The following RYR2 variants were observed in gnomAD, a reference collection of about 807,000 sequenced individuals.
The protein encoded by RYR2 is ryanodine receptor 2.
Under a neutral mutation model 601.1 loss-of-function variants are expected in RYR2, and 227 were observed. That is an observed-to-expected ratio of 0.38 (90% confidence interval 0.34 to 0.42). The LOEUF (loss-of-function observed/expected upper bound fraction) is 0.42. Ranked by LOEUF, RYR2 falls within the 10% of genes least tolerant of loss-of-function variation. The pLI is 1.00. For missense variants in RYR2, 4,646 were observed against 6,156.5 expected (o/e 0.75, Z 8.21); for synonymous variants, 2,223 against 2,175.1 (o/e 1.02, Z -0.61).
At chr1:237,360,019 A>C (rs1264383220) in intron 4 of RYR2, among the ~76,000 whole-genome samples, 3 of 152,218 alleles carry the variant, frequency 2.0e-5, no homozygotes, top group Admixed American at 2.0e-4. Context: ...TTCTCTTAAA[A>C]AATATGATGA....
chr1:237,418,031 A>G (rs1046061112), intron 11 of RYR2, among the ~76,000 whole-genome samples: 1 of 151,782 alleles, frequency 6.6e-6, no homozygotes, highest in African/African-American at 2.4e-5. Context: ...GTATAACTAT[A>G]TTTAATTAAT....
intron 8 of RYR2, among the ~76,000 whole-genome samples, chr1:237,380,157 A>T (rs1475875175): frequency 6.6e-6 from 1 of 151,374 alleles, no homozygotes; most frequent in Non-Finnish European, 1.5e-5. Flanking sequence ...TAGCGGGTAT[A>T]TGAAGTACTA....
intron 1 of RYR2, among the ~76,000 whole-genome samples, chr1:237,263,670 A>G (rs1409529911): frequency 1.3e-5 from 2 of 152,122 alleles, no homozygotes; most frequent in African/African-American, 4.8e-5. Flanking sequence ...TATTTGTTGT[A>G]ATGGAAAGGC....
intron 1 of RYR2, among the ~76,000 whole-genome samples, chr1:237,139,415 T>C (rs536167249): frequency 3.3e-5 from 5 of 152,322 alleles, no homozygotes; most frequent in Admixed American, 2.0e-4. Context: ...GCAGAGTTCC[T>C]TTTTTGGGGG....
At chr1:237,413,999 A>G (rs1022605400) in intron 10 of RYR2, among the ~76,000 whole-genome samples, 1 of 152,054 alleles carries the variant, frequency 6.6e-6, no homozygotes, top group African/African-American at 2.4e-5. Context: ...TCATTTTCCA[A>G]GTTGTCAATT....
chr1:237,573,722 G>C (rs972759758), intron 29 of RYR2, among the ~76,000 whole-genome samples: 56 of 151,788 alleles, frequency 3.7e-4, no homozygotes, highest in African/African-American at 1.3e-3. Context: ...TGAGGCAGGA[G>C]AATTGCTTGA....
At chr1:237,068,833 C>T (rs975855950) in intron 1 of RYR2, among the ~76,000 whole-genome samples, 33 of 152,194 alleles carry the variant, frequency 2.2e-4, no homozygotes, top group African/African-American at 7.9e-4. Flanking sequence ...TTTAGATCTC[C>T]CCGTACTGTG....
At chr1:237,717,451 T>G in intron 72 of RYR2, 83 bp downstream of exon 72, 1 of 1,141,484 alleles carries the variant, frequency 8.8e-7, no homozygotes, top group Non-Finnish European at 1.2e-6. Flanking sequence ...CACTGCCCTA[T>G]GTCAATATTT....
In RYR2 at chr1:237,579,605, AAACT is replaced by A. The variant is rs1429362422; in HGVS notation, c.3599-10186_3599-10183del. 2.6e-5 allele frequency among the ~76,000 whole-genome samples: 4 copies of A among 152,154 alleles called. No homozygotes were observed. In the East Asian group the frequency reaches 7.7e-4, roughly 29 times the overall value. ...ATAGGGCAAATTTCCATGGGTCAAA[AAACT>A]ATTATTAATTTAATAGGAAAAAAGT... On this transcript the variant is annotated intron_variant, in intron 29 of 104. Coordinates refer to ENST00000366574, the MANE Select transcript of RYR2 (RefSeq NM_001035.3).
rs149896217 is a variant in RYR2, at chr1:237,373,846, C to T, written c.385-871C>T. On this transcript the variant is annotated intron_variant, in intron 6 of 104. Transcript: ENST00000366574. ...TCTAGGTGGATTTCAAAGAGTTAAA[C>T]ATTTTTAAATGGAAACAAAACTAGA... Among the ~76,000 whole-genome samples, 16 of 152,252 alleles carry T rather than the reference C, an allele frequency of 1.1e-4. No individual in the cohort carries two copies. The East Asian group carries it at 2.1e-3, about 20-fold the overall frequency.
At chr1:237,107,271 G>A (rs775058989) in intron 1 of RYR2, among the ~76,000 whole-genome samples, 1 of 151,992 alleles carries the variant, frequency 6.6e-6, no homozygotes, top group African/African-American at 2.4e-5. Context: ...AGAAAACATT[G>A]TAGGTTCTGG....
At chr1:237,414,521 A>G (rs1041831257) in intron 10 of RYR2, among the ~76,000 whole-genome samples, 19 of 152,342 alleles carry the variant, frequency 1.2e-4, no homozygotes, top group African/African-American at 4.6e-4. Context: ...ATGGGGTAGA[A>G]TACGATATAT....
chr1:237,594,906 T>G (rs1434869479), intron 33 of RYR2, among the ~76,000 whole-genome samples: 825 of 51,034 alleles, frequency 0.016, 33 homozygotes, highest in African/African-American at 0.034. Context: ...TTTTTTTTTT[T>G]TTTTTTTTTT....
rs199854494 is a variant in RYR2 at position 237,506,873 on chromosome 1, C to G, written c.2718+59C>G. 5.1e-5 allele frequency: 69 copies of G among 1,356,422 alleles called. No individual in the cohort carries two copies. The African/African-American group carries it at 6.9e-4, about 14-fold the overall frequency. The allele number at this position is 1,356,422 out of a possible 1,614,324, so 84.0% of individuals were successfully genotyped here. ...TGAATACATCTTTCTGAAAACATAA[C>G]TTTTTCTGCCTTTTCCCGCTATGGG... is the stretch of plus-strand genomic sequence containing the variant. On this transcript the variant is annotated intron_variant, in intron 23 of 104. Coordinates refer to ENST00000366574, the MANE Select transcript of RYR2 (RefSeq NM_001035.3).
At chr1:237,199,374 C>T (rs568355037) in intron 1 of RYR2, among the ~76,000 whole-genome samples, 3 of 152,222 alleles carry the variant, frequency 2.0e-5, no homozygotes, top group Non-Finnish European at 4.4e-5. Flanking sequence ...GGCCCAAGAG[C>T]CCCTGGCAAA....
chr1:237,650,140 A>G (rs375207887), intron 50 of RYR2, 43 bp downstream of exon 50: 1 of 1,528,748 alleles, frequency 6.5e-7, no homozygotes, highest in Non-Finnish European at 9.0e-7. Flanking sequence ...TCTTTAAAAA[A>G]CAGAATTTAC....
At chr1:237,561,865 T>C (rs1189107928) in intron 27 of RYR2, among the ~76,000 whole-genome samples, 1 of 152,076 alleles carries the variant, frequency 6.6e-6, no homozygotes, top group Non-Finnish European at 1.5e-5. Context: ...TTTAGAAAAA[T>C]TGTTTTTTTG....
chr1:237,478,666 A>G (rs967557950), intron 17 of RYR2, among the ~76,000 whole-genome samples: 1 of 152,226 alleles, frequency 6.6e-6, no homozygotes, highest in Admixed American at 6.5e-5. Flanking sequence ...TACTTAATCT[A>G]CACAATAACT....
At chr1:237,469,370 C>G (rs10925426) in intron 17 of RYR2, among the ~76,000 whole-genome samples, 183 bp downstream of exon 17, 1 of 151,172 alleles carries the variant, frequency 6.6e-6, no homozygotes, top group Non-Finnish European at 1.5e-5. Flanking sequence ...GAGTTTGAGG[C>G]TGTAGTGCAC....
Sources: allele counts gnomAD v4.1 joint callset (sites outside exome capture counted in the v4.1 genomes callset), GRCh38; gene constraint gnomAD v4.1.1; transcripts MANE v1.5; gene names NCBI Gene and HGNC (gene_info 2026-07-23, HGNC 2026-07-21).